The following FAT3 variants were observed in gnomAD, a reference collection of about 807,000 sequenced individuals.
FAT3 encodes the protein FAT atypical cadherin 3.
A neutral mutation model predicts 310.2 loss-of-function variants in FAT3; 95 were observed. The ratio of observed to expected loss-of-function variants is 0.31; its 90% CI spans 0.26 to 0.36. FAT3 has a LOEUF of 0.36. Among genes scored for constraint, FAT3 ranks in the 10% least tolerant of loss-of-function variants. FAT3 has a pLI of 1.00. For missense variants in FAT3, 5,408 were observed against 5,715.6 expected, an observed-to-expected ratio of 0.95 and a Z score of 1.74; for synonymous variants, 2,314 against 2,192.9, an observed-to-expected ratio of 1.06 and a Z score of -1.54.
At chr11:92,616,408 T>G (rs1940808262) in intron 3 of FAT3, among the ~76,000 whole-genome samples, 1 of 152,146 alleles carries the variant, frequency 6.6e-6, no homozygotes, top group Non-Finnish European at 1.5e-5. Flanking sequence ...TACGGGACAC[T>G]GATGGGTCTT....
At chr11:92,795,134 A>G (rs180829415) in intron 9 of FAT3, among the ~76,000 whole-genome samples, 160 of 152,180 alleles carry the variant, frequency 1.1e-3, no homozygotes, top group Non-Finnish European at 6.3e-4. Flanking sequence ...TTCAGGTCTT[A>G]TATCTAGTTT....
At chr11:92,792,670 G>C (rs752719431) in intron 8 of FAT3, 97 bp from the exon 9 acceptor site, 11 of 1,164,972 alleles carry the variant, frequency 9.4e-6, no homozygotes, top group East Asian at 2.3e-5. Context: ...AGCACTTTGC[G>C]TGCATTATTT....
chr11:92,625,694 A>G (rs1394543511), intron 3 of FAT3, among the ~76,000 whole-genome samples: 1 of 151,638 alleles, frequency 6.6e-6, no homozygotes, highest in Non-Finnish European at 1.5e-5. Context: ...TAGGGTGGGC[A>G]GATTGTCAGC....
chr11:92,830,297 G>A (rs1000305681), intron 13 of FAT3, among the ~76,000 whole-genome samples: 8 of 152,146 alleles, frequency 5.3e-5, no homozygotes, highest in African/African-American at 7.2e-5. Context: ...CAATCCAACC[G>A]TTATTCAATA....
intron 3 of FAT3, among the ~76,000 whole-genome samples, chr11:92,675,435 G>A (rs1402441810): frequency 6.6e-6 from 1 of 152,116 alleles, no homozygotes; most frequent in African/African-American, 2.4e-5. Context: ...ATACCCAAGA[G>A]GCTCCAAAAG....
At chr11:92,708,142 C>T (rs1159959936) in intron 4 of FAT3, among the ~76,000 whole-genome samples, 1 of 152,150 alleles carries the variant, frequency 6.6e-6, no homozygotes, top group East Asian at 1.9e-4. Flanking sequence ...GTCAGGAGAG[C>T]CCTGCACGTC....
chr11:92,522,747 G>T (rs560768774), intron 2 of FAT3, among the ~76,000 whole-genome samples: 4 of 152,198 alleles, frequency 2.6e-5, no homozygotes, highest in Admixed American at 2.0e-4. Flanking sequence ...GTGTCCTATA[G>T]TTCATCTTTT....
chr11:92,373,597 T>G (rs1173703996), intron 2 of FAT3, among the ~76,000 whole-genome samples: 4 of 152,120 alleles, frequency 2.6e-5, no homozygotes, highest in Non-Finnish European at 1.5e-5. Context: ...TTATATATTA[T>G]GCAATATATA....
At chr11:92,489,484 C>T in intron 2 of FAT3, among the ~76,000 whole-genome samples, 1 of 151,934 alleles carries the variant, frequency 6.6e-6, no homozygotes, top group East Asian at 1.9e-4. Flanking sequence ...TAGGTTGGTC[C>T]TTGGTCTGGG....
chr11:92,351,111 A>G (rs1187502720), intron 1 of FAT3, among the ~76,000 whole-genome samples: 1 of 152,140 alleles, frequency 6.6e-6, no homozygotes, highest in Non-Finnish European at 1.5e-5. Context: ...AGTAATTGGA[A>G]GTATCTCTTG....
intron 2 of FAT3, among the ~76,000 whole-genome samples, chr11:92,406,892 C>G (rs1171127210): frequency 6.6e-6 from 1 of 152,152 alleles, no homozygotes; most frequent in South Asian, 2.1e-4. Flanking sequence ...TACCCTCTTC[C>G]TGGCCAGATG....
At chr11:92,444,678 A>G (rs1236023161) in intron 2 of FAT3, among the ~76,000 whole-genome samples, 1 of 149,224 alleles carries the variant, frequency 6.7e-6, no homozygotes, top group Non-Finnish European at 1.5e-5. Context: ...GGGAAAACAT[A>G]CAGTTTATAT....
intron 4 of FAT3, among the ~76,000 whole-genome samples, chr11:92,714,190 G>A (rs1027448362): frequency 3.3e-5 from 5 of 152,080 alleles, no homozygotes; most frequent in Non-Finnish European, 5.9e-5. Flanking sequence ...AATATGCAGT[G>A]GTGATAATAT....
intron 2 of FAT3, among the ~76,000 whole-genome samples, chr11:92,499,772 AG>A (rs1952882997): frequency 6.8e-6 from 1 of 147,444 alleles, no homozygotes; most frequent in East Asian, 2.0e-4. Context: ...CACCATGATT[AG>A]AAAGAATAAA....
chr11:92,882,849 G>A lies in FAT3; in HGVS notation c.12393G>A (p.Gln4131=), dbSNP rs377431849. Residue 4131 remains glutamine (Q), a synonymous_variant, in exon 24 of 28, where the codon CAG becomes CAA. Transcript: ENST00000525166. The part of the protein sequence containing the change: ...LCNCTPGYVG[Q]YCGLRPVVVP... ...ACTGCACGCCGGGCTACGTGGGCCA[G>A]TACTGCGGGCTGCGCCCCGTGGTGG... 6.2e-7 allele frequency: 1 copy of A among 1,612,034 alleles called. No homozygotes were observed. Among genetic ancestry groups the A allele is most frequent in the Non-Finnish European group, 8.5e-7 (1 of 1,179,300 alleles).
intron 3 of FAT3, among the ~76,000 whole-genome samples, chr11:92,618,496 C>G (rs112374006): frequency 0.014 from 2,143 of 152,252 alleles, 67 homozygotes; most frequent in African/African-American, 0.049. Flanking sequence ...TCCGACAAGC[C>G]CCAGTGAGAT....
chr11:92,227,454 C>G (rs1382441207), intron 1 of FAT3, among the ~76,000 whole-genome samples: 4 of 152,170 alleles, frequency 2.6e-5, no homozygotes, highest in Admixed American at 6.5e-5. Context: ...AGGCGGCAAA[C>G]TCAGGTGGTG....
chr11:92,822,485 T>G (rs1439764849), intron 13 of FAT3, among the ~76,000 whole-genome samples: 3 of 152,174 alleles, frequency 2.0e-5, no homozygotes, highest in African/African-American at 7.2e-5. Context: ...ACTCCCTGCC[T>G]CTCCAGGGCA....
At chr11:92,530,431 G>C (rs999372281) in intron 3 of FAT3, among the ~76,000 whole-genome samples, 14 of 152,068 alleles carry the variant, frequency 9.2e-5, no homozygotes, top group Admixed American at 9.2e-4. Context: ...AACATCTTAC[G>C]GGGCTGAGGT....
Sources: allele counts gnomAD v4.1 joint callset (sites outside exome capture counted in the v4.1 genomes callset), GRCh38; gene constraint gnomAD v4.1.1; transcripts MANE v1.5; gene names NCBI Gene and HGNC (gene_info 2026-07-23, HGNC 2026-07-21).